The following NLGN1 variants were observed in gnomAD, a reference collection of about 807,000 sequenced individuals.
NLGN1 encodes neuroligin-1.
Under a neutral mutation model 65.5 loss-of-function variants are expected in NLGN1, and 12 were observed. The ratio of observed to expected loss-of-function variants is 0.18; its 90% CI spans 0.12 to 0.30. NLGN1 has a LOEUF of 0.30. NLGN1 is among the 10% of genes least tolerant of loss of function. NLGN1 has a pLI of 1.00. For synonymous variants in NLGN1, 350 were observed against 359.5 expected (o/e 0.97, Z 0.30); for missense variants, 750 against 1,007.1 (o/e 0.74, Z 3.46).
chr3:173,738,729 T>A (rs182083282), intron 3 of NLGN1, among the ~76,000 whole-genome samples: 144 of 152,176 alleles, frequency 9.5e-4, no homozygotes, highest in South Asian at 3.5e-3. Context: ...TTGGGTCCCT[T>A]GAATGTCCAT....
chr3:173,993,194 G>A (rs1054141687), intron 4 of NLGN1, among the ~76,000 whole-genome samples: 1 of 152,160 alleles, frequency 6.6e-6, no homozygotes, highest in African/African-American at 2.4e-5. Flanking sequence ...TGTATTCAGT[G>A]ATATAACAGC....
At chr3:173,459,628 A>G (rs1312997851) in intron 2 of NLGN1, among the ~76,000 whole-genome samples, 1 of 152,140 alleles carries the variant, frequency 6.6e-6, no homozygotes, top group Non-Finnish European at 1.5e-5. Context: ...ACATTTTAAA[A>G]TAATTTCTGA....
In NLGN1 at chr3:173,607,276, G is replaced by A. The variant is rs1411223816; in HGVS notation, c.493+2185G>A. Among the ~76,000 whole-genome samples, 5 of 151,890 alleles carry A rather than the reference G, an allele frequency of 3.3e-5. No individual in the cohort carries two copies. In the East Asian group the frequency reaches 9.7e-4, roughly 29 times the overall value. On this transcript the variant is annotated intron_variant, in intron 3 of 6. Transcript: ENST00000457714. ...TTTACCTTCACAAACTCTGAACTAAGTAATAATTAGAATGAGGACAACATC... is the reference window on the plus strand; with the variant it reads ...TTTACCTTCACAAACTCTGAACTAAATAATAATTAGAATGAGGACAACATC...
chr3:173,451,168 G>GT (rs1445221305), intron 2 of NLGN1, among the ~76,000 whole-genome samples: 1 of 152,110 alleles, frequency 6.6e-6, no homozygotes, highest in Non-Finnish European at 1.5e-5. Flanking sequence ...TTTCTGCTCT[G>GT]TTTTTTCCTC....
chr3:174,285,548 T>C (rs889845588), exon 7 of NLGN1: 2 of 151,578 alleles, frequency 1.3e-5, no homozygotes, highest in African/African-American at 4.8e-5. Context: ...CTTGATCTGA[T>C]AGCAACATAC....
At chr3:173,637,353 A>G (rs1756755029) in intron 3 of NLGN1, among the ~76,000 whole-genome samples, 1 of 152,178 alleles carries the variant, frequency 6.6e-6, no homozygotes, top group Non-Finnish European at 1.5e-5. Flanking sequence ...CTTAAAAGGA[A>G]TAGTGGACAG....
At chr3:173,510,772 G>A (rs1369097148) in intron 2 of NLGN1, among the ~76,000 whole-genome samples, 2 of 152,164 alleles carry the variant, frequency 1.3e-5, no homozygotes, top group Admixed American at 6.6e-5. Flanking sequence ...GCCCTAGAGA[G>A]AGCACAGAGA....
intron 4 of NLGN1, among the ~76,000 whole-genome samples, chr3:174,264,179 G>A (rs1248565303): frequency 6.1e-5 from 9 of 148,478 alleles, no homozygotes; most frequent in Middle Eastern, 3.5e-3. Flanking sequence ...TGCTCTTCTC[G>A]AGGAGTATCT....
At chr3:173,992,529 T>G (rs2152414340) in intron 4 of NLGN1, among the ~76,000 whole-genome samples, 1 of 152,344 alleles carries the variant, frequency 6.6e-6, no homozygotes, top group East Asian at 1.9e-4. Flanking sequence ...ATTTATGTTG[T>G]AACTGCCTTA....
At chr3:173,992,208 A>T (rs181229394) in intron 4 of NLGN1, among the ~76,000 whole-genome samples, 2 of 152,186 alleles carry the variant, frequency 1.3e-5, no homozygotes, top group African/African-American at 4.8e-5. Context: ...CACATAATAT[A>T]TGTATATTAT....
At chr3:173,748,458 T>C (rs1257557639) in intron 3 of NLGN1, among the ~76,000 whole-genome samples, 3 of 152,118 alleles carry the variant, frequency 2.0e-5, no homozygotes, top group Non-Finnish European at 4.4e-5. Flanking sequence ...CCTAGAGCTG[T>C]CCACAATGTG....
At chr3:173,844,308 G>C (rs982672316) in intron 4 of NLGN1, among the ~76,000 whole-genome samples, 9 of 152,186 alleles carry the variant, frequency 5.9e-5, no homozygotes, top group African/African-American at 2.2e-4. Flanking sequence ...TGGTAGTAGA[G>C]TAAGACAGAG....
chr3:174,259,938 G>GT (rs1318196309), intron 4 of NLGN1, among the ~76,000 whole-genome samples: 1 of 142,260 alleles, frequency 7.0e-6, no homozygotes. Flanking sequence ...TACGGTGTTT[G>GT]GTTTTTTGTT....
At position 173,717,440 on chromosome 3, in the gene NLGN1, A is replaced by T. The variant is rs1050725721; in HGVS notation, c.494-90240A>T. 2.0e-5 allele frequency among the ~76,000 whole-genome samples: 3 copies of T among 152,110 alleles called. No homozygotes were observed. The East Asian group carries it at 5.8e-4, about 29-fold the overall frequency. On this transcript the variant is annotated intron_variant, in intron 3 of 6. Transcript: ENST00000457714. Reference sequence around the variant, plus strand: ...AAAAGGTTGGAAACTAAAGGTGTTGATCCAGCTTGATTGTAACAGTTCTTC... The same window carrying T: ...AAAAGGTTGGAAACTAAAGGTGTTGTTCCAGCTTGATTGTAACAGTTCTTC...
intron 3 of NLGN1, among the ~76,000 whole-genome samples, chr3:173,612,546 G>A (rs1278673917): frequency 1.3e-5 from 2 of 151,906 alleles, no homozygotes; most frequent in Non-Finnish European, 2.9e-5. Flanking sequence ...TTCTAGCTCT[G>A]TTGTCACATA....
chr3:174,192,677 AGCTCTTGGG>A (rs1484144285), intron 4 of NLGN1, among the ~76,000 whole-genome samples: 1 of 152,138 alleles, frequency 6.6e-6, no homozygotes, highest in Non-Finnish European at 1.5e-5. Context: ...TTGGCCTATA[AGCTCTTGGG>A]GCTAGTTATA....
chr3:173,439,697 C>T (rs1455337229), intron 2 of NLGN1, among the ~76,000 whole-genome samples: 1 of 151,856 alleles, frequency 6.6e-6, no homozygotes, highest in Non-Finnish European at 1.5e-5. Context: ...ATTAAGCATG[C>T]AATACCACTG....
intron 4 of NLGN1, among the ~76,000 whole-genome samples, chr3:174,251,694 A>G (rs1469863476): frequency 6.6e-6 from 1 of 152,240 alleles, no homozygotes; most frequent in Non-Finnish European, 1.5e-5. Flanking sequence ...ATTTAAATAA[A>G]TTGCAAATTA....
At chr3:173,937,538 A>G (rs1250573266) in intron 4 of NLGN1, among the ~76,000 whole-genome samples, 1 of 152,118 alleles carries the variant, frequency 6.6e-6, no homozygotes, top group Non-Finnish European at 1.5e-5. Context: ...TAAAAATCTG[A>G]ACTTTGTGAA....
Sources: allele counts gnomAD v4.1 joint callset (sites outside exome capture counted in the v4.1 genomes callset), GRCh38; gene constraint gnomAD v4.1.1; transcripts MANE v1.5; gene names NCBI Gene and HGNC (gene_info 2026-07-23, HGNC 2026-07-21).